Variants in PTOV1 observed in about 807,000 individuals in gnomAD.
The protein encoded by PTOV1 is prostate tumor-overexpressed gene 1 protein.
A neutral mutation model predicts 58.0 loss-of-function variants in PTOV1; 20 were observed. The observed-to-expected ratio is 0.34, with a 90% CI of 0.24 to 0.50. The LOEUF is 0.50. Ranked by LOEUF, PTOV1 falls within the 20% of genes least tolerant of loss-of-function variation. The probability of loss-of-function intolerance (pLI) is 0.98; values close to 1 mark genes in which losing one functional copy is unlikely to be tolerated. For missense variants in PTOV1, 593 were observed against 565.4 expected, an observed-to-expected ratio of 1.05 and a Z score of -0.50; for synonymous variants, 335 against 234.2, an observed-to-expected ratio of 1.43 and a Z score of -3.93.
At chr19:49,852,006 G>C (rs1473515016) in intron 1 of PTOV1, 1 of 985,438 alleles carries the variant, frequency 1.0e-6, no homozygotes, top group African/African-American at 1.7e-5. Context: ...GCGCCCACAT[G>C]TGGGATGCTT....
In PTOV1 at chr19:49,857,983, T is replaced by C. The variant is rs1213385358; in HGVS notation, c.878+6T>C. On this transcript the variant is annotated splice_donor_region_variant and intron_variant, in intron 8 of 11. Transcript: ENST00000391842. ...GTGAACCAGGGGGAGATCCTGTGAG[T>C]GCTGGGCTGGGGGGTGGAGGCAGCA... The C allele has an allele frequency of 6.2e-7, 1 of 1,613,150 alleles. No homozygotes were observed. The highest frequency in any genetic ancestry group is 8.5e-7 in the Non-Finnish European group (1 of 1,179,442).
chr19:49,860,182 G>A, exon 11 of PTOV1: 1 of 1,614,036 alleles, frequency 6.2e-7, no homozygotes, highest in Non-Finnish European at 8.5e-7. Context: ...CAGCAACGAG[G>A]GGTGAGGTGG....
At chr19:49,853,664 A>T (rs981953998) in intron 1 of PTOV1, among the ~76,000 whole-genome samples, 4 of 151,842 alleles carry the variant, frequency 2.6e-5, no homozygotes, top group Non-Finnish European at 4.4e-5. Flanking sequence ...TGTGAGTAGC[A>T]TTTGTGGCGT....
chr19:49,854,362 G>T, intron 1 of PTOV1, 44 bp from the exon 2 acceptor site: 1 of 1,579,550 alleles, frequency 6.3e-7, no homozygotes, highest in African/African-American at 1.3e-5. Flanking sequence ...TGTCCTTGCA[G>T]GCCCCGGCCT....
chr19:49,856,265 G>C (rs1420276407), intron 5 of PTOV1: 1 of 152,250 alleles, frequency 6.6e-6, no homozygotes, highest in Non-Finnish European at 1.5e-5. Context: ...CTGGGAGGCT[G>C]ACTGTGCATG....
exon 1 of PTOV1, chr19:49,851,222 C>G: frequency 8.6e-7 from 1 of 1,158,322 alleles, no homozygotes; most frequent in South Asian, 4.1e-5. Flanking sequence ...CGGCTCAGCC[C>G]GTCTCCCCCG....
chr19:49,855,053 C>T (rs777871272), exon 5 of PTOV1: 73 of 1,597,158 alleles, frequency 4.6e-5, no homozygotes, highest in Non-Finnish European at 5.9e-5. Context: ...TCAAGGGGCT[C>T]TGCCGCATCA....
intron 1 of PTOV1, chr19:49,853,240 C>T (rs1477073533): frequency 2.0e-5 from 3 of 152,196 alleles, no homozygotes; most frequent in African/African-American, 7.2e-5. Context: ...ATAAATCACC[C>T]TTATAATTTG....
chr19:49,852,948 G>A (rs2074310747), intron 1 of PTOV1: 1 of 152,188 alleles, frequency 6.6e-6, no homozygotes, highest in African/African-American at 2.4e-5. Context: ...AGCCCCCGGG[G>A]CAACATCCAC....
upstream of PTOV1, chr19:49,851,087 C>A: frequency 6.9e-7 from 1 of 1,450,984 alleles, no homozygotes; most frequent in Non-Finnish European, 9.1e-7. Context: ...CGCTCCCCCG[C>A]GCCGCCTTGG....
chr19:49,859,874 A>T, intron 10 of PTOV1, 112 bp from the exon 11 acceptor site: 1 of 1,182,102 alleles, frequency 8.5e-7, no homozygotes. Context: ...GGGTGTGAGG[A>T]CAGAGCAGTT....
chr19:49,855,412 T>G, intron 5 of PTOV1: 1 of 348,516 alleles, frequency 2.9e-6, no homozygotes. Flanking sequence ...ACCTGGTAAA[T>G]GGGTGTGCTA....
At chr19:49,851,118 T>C (rs2122152088), upstream of PTOV1, 1 of 1,342,280 alleles carries the variant, frequency 7.5e-7, no homozygotes, top group South Asian at 1.7e-5. Context: ...CCACGCCCCC[T>C]CGGACGCGCT....
At chr19:49,852,658 A>T (rs935959418) in intron 1 of PTOV1, 2 of 152,150 alleles carry the variant, frequency 1.3e-5, no homozygotes, top group African/African-American at 2.4e-5. Context: ...GTTCTTTACT[A>T]TGGCTCCAGA....
At chr19:49,857,283 C>T in intron 6 of PTOV1, 153 bp downstream of exon 6, 1 of 1,108,000 alleles carries the variant, frequency 9.0e-7, no homozygotes, top group Non-Finnish European at 1.3e-6. Context: ...CGGGTTCCCA[C>T]CAGGGCTCCA....
exon 3 of PTOV1, chr19:49,854,701 C>T (rs946762278): frequency 1.9e-6 from 3 of 1,613,384 alleles, no homozygotes; most frequent in Admixed American, 1.7e-5. Context: ...CGGACCCTGC[C>T]CTGCCAAGCC....
chr19:49,851,558 C>T (rs113557532), intron 1 of PTOV1, 59 bp downstream of exon 1: 5 of 1,067,708 alleles, frequency 4.7e-6, no homozygotes, highest in South Asian at 4.6e-5. Context: ...AGCCCCTATC[C>T]CGGGCTCACG....
rs148592484 is a variant in PTOV1, at chr19:49,860,030, C to T, written c.1086C>T (p.Arg362=). ...CCTACAAAGCATCGTGTGAGATCCG[C>T]GTGCTTATGCTCCTGTACTCTTCAG... Residue 362 remains arginine, a synonymous_variant, in exon 11 of 12, where the codon CGC becomes CGT. Transcript: ENST00000391842. 1.4e-3 allele frequency: 2,278 copies of T among 1,614,166 alleles called. 23 individuals are homozygous for T. In the African/African-American group the frequency reaches 0.027, roughly 19 times the overall value.
upstream of PTOV1, chr19:49,851,138 C>T (rs1247382308): frequency 8.3e-6 from 11 of 1,318,530 alleles, no homozygotes; most frequent in Non-Finnish European, 1.1e-5. Context: ...TTGGTACGCG[C>T]CGGGCTCCCC....
Sources: allele counts gnomAD v4.1 joint callset (sites outside exome capture counted in the v4.1 genomes callset), GRCh38; gene constraint gnomAD v4.1.1; transcripts MANE v1.5; gene names NCBI Gene and HGNC (gene_info 2026-07-23, HGNC 2026-07-21).